The following FLNB variants were observed in gnomAD, a reference collection of about 807,000 sequenced individuals.
FLNB encodes filamin-B.
Under a neutral mutation model 250.6 loss-of-function variants are expected in FLNB, and 111 were observed. The ratio of observed to expected loss-of-function variants is 0.44; its 90% CI spans 0.38 to 0.52. FLNB has a LOEUF of 0.52. Ranked by LOEUF, FLNB falls within the 20% of genes least tolerant of loss-of-function variation. The probability of loss-of-function intolerance (pLI) is 0.00; values close to 1 mark genes in which losing one functional copy is unlikely to be tolerated. For synonymous variants in FLNB, 1,302 were observed against 1,372.1 expected, an observed-to-expected ratio of 0.95 and a Z score of 1.13; for missense variants, 2,869 against 3,447.8, an observed-to-expected ratio of 0.83 and a Z score of 4.20.
At chr3:58,091,056 C>T (rs935362202) in intron 4 of FLNB, among the ~76,000 whole-genome samples, 7 of 149,264 alleles carry the variant, frequency 4.7e-5, no homozygotes, top group African/African-American at 1.2e-4. Context: ...GTAGCCTGGG[C>T]GACAGAGCGA....
In FLNB at chr3:58,081,657, C is replaced by T. The variant is rs574643677; in HGVS notation, c.668C>T (p.Pro223Leu). Residue 223 changes from proline to leucine, a missense_variant, in exon 4 of 46, where the codon CCG (proline) becomes CTG (leucine). Physicochemically the swap from Pro to Leu is moderately conservative, Grantham distance 98. Transcript: ENST00000295956. Reference sequence around the variant, plus strand: ...ATCACTCCTGAAGAAATCATTCACCCGGATGTGGACGAGCACTCAGTTATG... The same window carrying T: ...ATCACTCCTGAAGAAATCATTCACCTGGATGTGGACGAGCACTCAGTTATG... ...QVITPEEIIH[P>L]DVDEHSVMTY... 1.2e-6 allele frequency: 2 copies of T among 1,614,058 alleles called. No homozygotes were observed. Among genetic ancestry groups the T allele is most frequent in the East Asian group, 2.2e-5 (1 of 44,874 alleles).
intron 33 of FLNB, 46 bp downstream of exon 33, chr3:58,146,095 G>C: frequency 6.2e-7 from 1 of 1,611,002 alleles, no homozygotes; most frequent in Non-Finnish European, 8.5e-7. Flanking sequence ...TGTCCATTTG[G>C]AGGGTGAAGT....
At chr3:58,156,126 C>A (rs755464049) in intron 41 of FLNB, 51 bp downstream of exon 41, 12 of 1,361,114 alleles carry the variant, frequency 8.8e-6, no homozygotes, top group Non-Finnish European at 1.2e-5. Flanking sequence ...ACCAGTGAGA[C>A]CCCTGGACTC....
intron 8 of FLNB, 46 bp from the exon 9 acceptor site, chr3:58,102,157 G>A (rs2107082070): frequency 6.2e-7 from 1 of 1,613,074 alleles, no homozygotes; most frequent in African/African-American, 1.3e-5. Flanking sequence ...TCACGACTCT[G>A]ACTAAAGAAT....
rs1011913606 is a variant in FLNB, at chr3:58,148,842, A to G, written c.6081A>G (p.Thr2027=). 8 of 1,612,568 alleles carry G rather than the reference A, an allele frequency of 5.0e-6. No homozygotes were observed. The highest frequency in any genetic ancestry group is 2.2e-5 in the South Asian group (2 of 91,056). The part of the protein sequence containing the change: ...TFEMSDFIVD[T]RDAGYGGISL... Reference sequence around the variant, plus strand: ...AGATGTCTGACTTCATCGTGGACACAAGGGATGCAGGTCTGTGTGGTCCCA... The same window carrying G: ...AGATGTCTGACTTCATCGTGGACACGAGGGATGCAGGTCTGTGTGGTCCCA... Residue 2027 remains threonine, a synonymous_variant, in exon 36 of 46, where the codon ACA becomes ACG. Coordinates refer to ENST00000295956, the MANE Select transcript of FLNB (RefSeq NM_001457.4).
intron 1 of FLNB, among the ~76,000 whole-genome samples, chr3:58,045,509 T>C (rs573687818): frequency 1.3e-5 from 2 of 152,314 alleles, no homozygotes; most frequent in South Asian, 2.1e-4. Context: ...TTAGTGTTAG[T>C]GTATCTTATG....
At chr3:58,133,113 T>C (rs1179884656) in intron 26 of FLNB, among the ~76,000 whole-genome samples, 182 bp downstream of exon 26, 2 of 150,022 alleles carry the variant, frequency 1.3e-5, no homozygotes, top group Non-Finnish European at 3.0e-5. Context: ...CCATCCATTC[T>C]TTCATCATTC....
chr3:58,109,806 G>A, intron 15 of FLNB, 107 bp downstream of exon 15: 3 of 1,497,860 alleles, frequency 2.0e-6, no homozygotes, highest in Non-Finnish European at 2.8e-6. Flanking sequence ...CATCTGAATA[G>A]GTAATCATCT....
chr3:58,103,270 G>GTGTC (rs1258033182), intron 9 of FLNB, among the ~76,000 whole-genome samples: 1 of 150,108 alleles, frequency 6.7e-6, no homozygotes, highest in Non-Finnish European at 1.5e-5. Flanking sequence ...AGGAGGGTGT[G>GTGTC]TGTGTGTGTG....
At chr3:58,080,278 C>A (rs1284846454) in intron 3 of FLNB, among the ~76,000 whole-genome samples, 1 of 152,130 alleles carries the variant, frequency 6.6e-6, no homozygotes, top group Admixed American at 6.6e-5. Context: ...CATGGTTAAC[C>A]TGGTCCATGA....
chr3:58,049,986 C>A (rs2097159805), intron 1 of FLNB, among the ~76,000 whole-genome samples: 1 of 151,042 alleles, frequency 6.6e-6, no homozygotes, highest in Non-Finnish European at 1.5e-5. Flanking sequence ...ACAAAACTTC[C>A]TTTTACCTTG....
At chr3:58,150,654 C>G (rs1248728267) in intron 38 of FLNB, 1 of 278,418 alleles carries the variant, frequency 3.6e-6, no homozygotes, top group African/African-American at 2.2e-5. Flanking sequence ...GAGGGCTGTG[C>G]TGCAGAACTC....
chr3:58,017,831 T>G (rs2097107897), intron 1 of FLNB, among the ~76,000 whole-genome samples: 1 of 152,182 alleles, frequency 6.6e-6, no homozygotes, highest in Non-Finnish European at 1.5e-5. Flanking sequence ...TTTCTTGTAC[T>G]ATAAGCAAAG....
intron 11 of FLNB, among the ~76,000 whole-genome samples, chr3:58,105,932 T>C (rs768095592): frequency 6.6e-6 from 1 of 152,228 alleles, no homozygotes; most frequent in African/African-American, 2.4e-5. Flanking sequence ...ATGAATCGTC[T>C]TGTATATTCT....
intron 24 of FLNB, 128 bp downstream of exon 24, chr3:58,126,890 T>C (rs2097298875): frequency 1.2e-6 from 1 of 844,372 alleles, no homozygotes; most frequent in Admixed American, 2.0e-5. Flanking sequence ...GGAGAGTTTT[T>C]CTTAGGGCTA....
At chr3:58,070,808 T>C (rs1018507323) in intron 1 of FLNB, among the ~76,000 whole-genome samples, 14 of 151,862 alleles carry the variant, frequency 9.2e-5, no homozygotes, top group African/African-American at 3.4e-4. Context: ...TACAGGCACA[T>C]GCCACCACGC....
At chr3:58,043,263 T>C (rs973686878) in intron 1 of FLNB, among the ~76,000 whole-genome samples, 1 of 150,302 alleles carries the variant, frequency 6.7e-6, no homozygotes, top group Non-Finnish European at 1.5e-5. Flanking sequence ...GCCTCCCAAG[T>C]AGTTGGGACT....
intron 39 of FLNB, among the ~76,000 whole-genome samples, chr3:58,154,207 G>A (rs148702992): frequency 3.3e-5 from 5 of 152,062 alleles, no homozygotes; most frequent in Non-Finnish European, 7.4e-5. Flanking sequence ...GCCTCCTAAA[G>A]TGCTGGGATT....
chr3:58,103,549 A>T (rs1213723638), intron 9 of FLNB, among the ~76,000 whole-genome samples: 1 of 152,186 alleles, frequency 6.6e-6, no homozygotes, highest in Non-Finnish European at 1.5e-5. Flanking sequence ...CTGAACCTAA[A>T]ACTCATACCA....
Sources: allele counts gnomAD v4.1 joint callset (sites outside exome capture counted in the v4.1 genomes callset), GRCh38; gene constraint gnomAD v4.1.1; transcripts MANE v1.5; gene names NCBI Gene and HGNC (gene_info 2026-07-23, HGNC 2026-07-21).